Variants in TCERG1 observed in about 807,000 individuals in gnomAD.
The protein encoded by TCERG1 is TATA box binding protein (TBP)-associated factor, RNA polymerase II, S, 150kD.
Under a neutral mutation model 144.7 loss-of-function variants are expected in TCERG1, and 37 were observed. The ratio of observed to expected loss-of-function variants is 0.26; its 90% CI spans 0.20 to 0.34. The LOEUF (loss-of-function observed/expected upper bound fraction) is 0.34, where lower values mean the gene tolerates loss of function less well. Ranked by LOEUF, TCERG1 falls within the 10% of genes least tolerant of loss-of-function variation. The pLI is 1.00. For missense variants in TCERG1, 1,027 were observed against 1,380.7 expected (o/e 0.74, Z 4.06); for synonymous variants, 492 against 458.2 (o/e 1.07, Z -0.94).
At chr5:146,473,905 G>A (rs1483389881) in intron 9 of TCERG1, among the ~76,000 whole-genome samples, 1 of 152,130 alleles carries the variant, frequency 6.6e-6, no homozygotes. Flanking sequence ...TTTTCATGCC[G>A]CTAACAACAT....
chr5:146,468,330 C>A lies in TCERG1; in HGVS notation c.1136-11C>A. ...AGCTTTCCAACGTATGCTTGCTTATCCATTTTACAGGTGTAGCAATGATGC... is the reference window on the plus strand; with the variant it reads ...AGCTTTCCAACGTATGCTTGCTTATACATTTTACAGGTGTAGCAATGATGC... On this transcript the variant is annotated splice_polypyrimidine_tract_variant and intron_variant, in intron 5 of 22. Coordinates refer to ENST00000679501, the MANE Select transcript of TCERG1 (RefSeq NM_001382548.1). The A allele has an allele frequency of 6.3e-7, 1 of 1,585,116 alleles. No individual in the cohort carries two copies. Among genetic ancestry groups the A allele is most frequent in the Non-Finnish European group, 8.6e-7 (1 of 1,164,402 alleles).
chr5:146,467,184 A>C (rs1763871980), intron 5 of TCERG1, among the ~76,000 whole-genome samples: 1 of 152,152 alleles, frequency 6.6e-6, no homozygotes, highest in African/African-American at 2.4e-5. Flanking sequence ...AATAATTGAC[A>C]CTATTTTTGT....
chr5:146,461,918 A>G (rs1763362323), intron 4 of TCERG1: 1 of 152,520 alleles, frequency 6.6e-6, no homozygotes. Flanking sequence ...GTAGATTACA[A>G]ATGCTAAATG....
intron 9 of TCERG1, among the ~76,000 whole-genome samples, chr5:146,477,692 C>CTTTTTT (rs1168989847): frequency 2.4e-3 from 191 of 79,328 alleles, no homozygotes; most frequent in Middle Eastern, 0.012. Context: ...TGGTACTTTA[C>CTTTTTT]TTTTTTTTTT....
At chr5:146,494,294 G>A (rs1766682511) in intron 16 of TCERG1, among the ~76,000 whole-genome samples, 1 of 152,066 alleles carries the variant, frequency 6.6e-6, no homozygotes, top group African/African-American at 2.4e-5. Flanking sequence ...TTACTCTCAG[G>A]AGTTGCATGT....
chr5:146,497,055 G>C (rs1766987322), intron 16 of TCERG1, among the ~76,000 whole-genome samples: 1 of 151,862 alleles, frequency 6.6e-6, no homozygotes, highest in South Asian at 2.1e-4. Flanking sequence ...ATTTTTAATA[G>C]AGACAGGGTT....
rs556227803 is a variant in TCERG1 at position 146,500,514 on chromosome 5, A to C, written c.2433+1828A>C. On this transcript the variant is annotated intron_variant, in intron 17 of 22. Coordinates refer to ENST00000679501, the MANE Select transcript of TCERG1 (RefSeq NM_001382548.1). ...TTGTAATTCTCCAGCTGGTCTTTGT[A>C]GCATTGTGATAGTTGAATCAATAGC... 8.9e-4 allele frequency among the ~76,000 whole-genome samples: 136 copies of C among 152,326 alleles called. 1 individual carries two copies. The highest frequency in any genetic ancestry group is 3.2e-3 in the African/African-American group (132 of 41,568).
At chr5:146,498,741 T>G (rs954723112) in intron 17 of TCERG1, 55 bp downstream of exon 17, 18 of 1,550,848 alleles carry the variant, frequency 1.2e-5, no homozygotes, top group Non-Finnish European at 1.6e-5. Flanking sequence ...ATGGGAAAGG[T>G]CTATGCTGGT....
rs1014495135 is a variant in TCERG1, at chr5:146,481,181, G to T, written c.1918G>T (p.Ala640Ser). The change falls in exon 13 of 23, where the codon GCC becomes TCC. Residue 640 changes from alanine (A) to serine (S), a missense_variant. Around this residue, in one of 6 missense-constraint regions of TCERG1, gnomAD observed 482 missense variants for 632.6 expected, o/e 0.76. Coordinates refer to ENST00000679501, the MANE Select transcript of TCERG1 (RefSeq NM_001382548.1). ...RMSKKSFMWI[A>S]RASLFRRDDN... is the part of the protein sequence containing the mutation. ...GTCAAAGAAGTCCTTTATGTGGATT[G>T]CCCGAGCTTCTCTATTTAGGTACAA... 4.1e-6 allele frequency: 4 copies of T among 985,222 alleles called. No individual in the cohort carries two copies. Among genetic ancestry groups the T allele is most frequent in the Non-Finnish European group, 4.8e-6 (4 of 829,868 alleles). The allele number at this position is 985,222 out of a possible 1,614,324, so 61.0% of individuals were successfully genotyped here.
rs1765554924 is a variant in TCERG1 at position 146,483,591 on chromosome 5, C to A, written c.2125C>A (p.Pro709Thr). The A allele has an allele frequency of 4.3e-6, 7 of 1,612,320 alleles. No homozygotes were observed. The East Asian group carries it at 1.6e-4, about 36-fold the overall frequency. Residue 709 changes from proline to threonine, a missense_variant, in exon 15 of 23, where the codon CCC becomes ACC. Pro to Thr is a conservative substitution (Grantham distance 38). Transcript: ENST00000679501. Reference sequence around the variant, plus strand: ...GGAGTTGCACAAGATAGTTTTTGATCCCCGGTACTTACTTCTCAATCCTAA... The same window carrying A: ...GGAGTTGCACAAGATAGTTTTTGATACCCGGTACTTACTTCTCAATCCTAA... Reference protein sequence around the residue: ...EKELHKIVFDPRYLLLNPKER... With the variant: ...EKELHKIVFDTRYLLLNPKER...
intron 6 of TCERG1, 84 bp from the exon 7 acceptor site, chr5:146,469,460 A>G (rs532411704): frequency 1.3e-4 from 149 of 1,123,306 alleles, no homozygotes; most frequent in Admixed American, 7.9e-4. Context: ...AATATTTAAT[A>G]GAAAGATTTA....
chr5:146,464,952 T>A (rs541191731), intron 5 of TCERG1, among the ~76,000 whole-genome samples: 1 of 152,204 alleles, frequency 6.6e-6, no homozygotes, highest in Non-Finnish European at 1.5e-5. Context: ...CAGGTTTTTT[T>A]TTTAATTTGG....
intron 12 of TCERG1, 178 bp downstream of exon 12, chr5:146,480,272 C>T (rs915407534): frequency 2.3e-6 from 1 of 434,268 alleles, no homozygotes; most frequent in African/African-American, 2.0e-5. Flanking sequence ...CCTTCTTTTG[C>T]TAGATTTGTA....
rs1436379977 is a variant in TCERG1 at position 146,507,136 on chromosome 5, A to C, written c.2890A>C (p.Asn964His). The change falls in exon 20 of 23, where the codon AAT becomes CAT. Residue 964 changes from asparagine (N) to histidine (H), a missense_variant. Coordinates refer to ENST00000679501, the MANE Select transcript of TCERG1 (RefSeq NM_001382548.1). The surrounding 1 kb of genome is among the most constrained non-coding windows in gnomAD (Gnocchi z 4.6). The stretch of plus-strand genomic sequence containing the variant: ...AAGAGAGGAGAAAGAGAAGCTTTTT[A>C]ATGAACACATTGAAGCACTTACCAA... ...LEREEKEKLF[N>H]EHIEALTKKK... 1 of 1,613,714 alleles carries C rather than the reference A, an allele frequency of 6.2e-7. No individual in the cohort carries two copies. The highest frequency in any genetic ancestry group is 1.1e-5 in the South Asian group (1 of 90,980).
At chr5:146,496,880 T>G (rs959896054) in intron 16 of TCERG1, among the ~76,000 whole-genome samples, 2 of 146,680 alleles carry the variant, frequency 1.4e-5, no homozygotes, top group African/African-American at 5.1e-5. Context: ...TTTTTTTTTT[T>G]TTTTTTTTTT....
chr5:146,483,525 G>A lies in TCERG1; in HGVS notation c.2074-15G>A, dbSNP rs188391535. 1.0e-4 allele frequency: 166 copies of A among 1,606,198 alleles called. 1 individual carries two copies. The African/African-American group carries it at 1.9e-3, about 19-fold the overall frequency. On this transcript the variant is annotated splice_polypyrimidine_tract_variant and intron_variant, in intron 14 of 22. Transcript: ENST00000679501. The stretch of plus-strand genomic sequence containing the variant: ...AGGAGACTTAATTATGAGGCAATAC[G>A]TTTTTATTTTAAAGGTGTCTGCTTT...
At chr5:146,482,071 T>C (rs1765411130) in intron 13 of TCERG1, 1 of 152,222 alleles carries the variant, frequency 6.6e-6, no homozygotes, top group Non-Finnish European at 1.5e-5. Context: ...AGATTGCAGA[T>C]ATTTTAGTTT....
chr5:146,478,691 C>T (rs1251785607), intron 10 of TCERG1, 38 bp downstream of exon 10: 9 of 1,507,762 alleles, frequency 6.0e-6, no homozygotes, highest in Middle Eastern at 3.6e-4. Context: ...CTGATTTTAA[C>T]ATTCTTTTCA....
chr5:146,510,318 T>TAAAAAAAAAAAAA, intron 22 of TCERG1, 123 bp from the exon 23 acceptor site: 1 of 550,770 alleles, frequency 1.8e-6, no homozygotes, highest in South Asian at 2.7e-5. Context: ...AAATTTTTCT[T>TAAAAAAAAAAAAA]AAAAAAAAAA....
Sources: allele counts gnomAD v4.1 joint callset (sites outside exome capture counted in the v4.1 genomes callset), GRCh38; gene constraint gnomAD v4.1.1; regional missense constraint gnomAD v4.1.1; non-coding constraint Gnocchi (gnomAD v3.1); transcripts MANE v1.5; gene names NCBI Gene and HGNC (gene_info 2026-07-23, HGNC 2026-07-21).